Variants in PDE10A observed in about 807,000 individuals in gnomAD.
PDE10A encodes the protein cAMP and cAMP-inhibited cGMP 3',5'-cyclic phosphodiesterase 10A.
In PDE10A, 39 loss-of-function variants were observed where a neutral mutation model predicts 97.7. The observed-to-expected ratio is 0.40, with a 90% CI of 0.31 to 0.52. The LOEUF (loss-of-function observed/expected upper bound fraction) is 0.52. Among genes scored for constraint, PDE10A ranks in the 20% least tolerant of loss-of-function variants. PDE10A has a pLI of 0.56. For synonymous variants in PDE10A, 371 were observed against 376.8 expected (o/e 0.98, Z 0.18); for missense variants, 731 against 1,047.8 (o/e 0.70, Z 4.17).
intron 1 of PDE10A, among the ~76,000 whole-genome samples, chr6:165,593,473 G>A (rs1268272212): frequency 2.0e-5 from 3 of 151,978 alleles, no homozygotes; most frequent in Non-Finnish European, 2.9e-5. Flanking sequence ...AAAATGTCCT[G>A]GCTAACAAAG....
intron 1 of PDE10A, among the ~76,000 whole-genome samples, chr6:165,557,837 GACAA>G (rs796834204): frequency 4.7e-4 from 71 of 152,256 alleles, no homozygotes; most frequent in African/African-American, 1.5e-3. Flanking sequence ...AAAAAACGAA[GACAA>G]ACAAAGATGA....
At chr6:165,443,287 A>G (rs1035013326) in intron 5 of PDE10A, among the ~76,000 whole-genome samples, 1 of 152,144 alleles carries the variant, frequency 6.6e-6, no homozygotes, top group Non-Finnish European at 1.5e-5. Context: ...CAAATGGGGT[A>G]CAGGCCCTGT....
intron 1 of PDE10A, among the ~76,000 whole-genome samples, chr6:165,752,191 C>G (rs1010633589): frequency 3.3e-5 from 5 of 150,652 alleles, no homozygotes; most frequent in African/African-American, 1.2e-4. Flanking sequence ...TTGCCTACAG[C>G]CTATACACTG....
chr6:165,701,694 T>C (rs1313896241), intron 1 of PDE10A, among the ~76,000 whole-genome samples: 1 of 151,604 alleles, frequency 6.6e-6, no homozygotes, highest in African/African-American at 2.4e-5. Context: ...CATGTAAGTG[T>C]GTTTGCATGT....
intron 1 of PDE10A, among the ~76,000 whole-genome samples, chr6:165,659,102 A>T (rs1790107687): frequency 6.6e-6 from 1 of 152,168 alleles, no homozygotes; most frequent in Admixed American, 6.5e-5. Flanking sequence ...GGTCAGTGTG[A>T]AGAGCCAAAA....
intron 1 of PDE10A, among the ~76,000 whole-genome samples, chr6:165,638,914 C>T (rs976144239): frequency 6.6e-6 from 1 of 152,162 alleles, no homozygotes; most frequent in Non-Finnish European, 1.5e-5. Context: ...CATTTACATT[C>T]TGTGTCCTCC....
chr6:165,916,614 C>T (rs1399466276), intron 1 of PDE10A, among the ~76,000 whole-genome samples: 3 of 152,218 alleles, frequency 2.0e-5, no homozygotes, highest in South Asian at 2.1e-4. Context: ...CATCTTCTCC[C>T]GCTTGGAGCC....
At chr6:165,420,831 G>A (rs746127680) in intron 10 of PDE10A, among the ~76,000 whole-genome samples, 18 of 152,166 alleles carry the variant, frequency 1.2e-4, no homozygotes, top group Non-Finnish European at 2.4e-4. Context: ...ACAAATTCCC[G>A]TACAATTTAT....
chr6:165,604,518 T>TAAAAAAAAAAAA lies in PDE10A; in HGVS notation c.865+57417_865+57428dup, dbSNP rs34272357. Among the ~76,000 whole-genome samples the TAAAAAAAAAAAA allele has an allele frequency of 7.5e-3, 1,032 of 137,588 alleles. 8 individuals carry two copies. The highest frequency in any genetic ancestry group is 0.024 in the African/African-American group (897 of 36,654). 90.3% of individuals were successfully genotyped at this position (137,588 alleles called of 152,430 possible). A position where few individuals can be genotyped will look rare whatever the true frequency, so the allele number is the denominator to read the frequency against. ...ACAAGACTGCACTTACTCTCTTTGT[T>TAAAAAAAAAAAA]AAAAAAAAAAAAAAAAAGTGTTACT... On this transcript the variant is annotated intron_variant, in intron 1 of 21. Transcript: ENST00000539869.
chr6:165,907,879 G>GCC (rs1782342022), intron 1 of PDE10A, among the ~76,000 whole-genome samples: 1 of 152,206 alleles, frequency 6.6e-6, no homozygotes, highest in Non-Finnish European at 1.5e-5. Flanking sequence ...GAAAATTGTA[G>GCC]TCAGCTCTTA....
intron 1 of PDE10A, among the ~76,000 whole-genome samples, chr6:165,730,032 C>A (rs574188812): frequency 6.6e-6 from 1 of 151,740 alleles, no homozygotes; most frequent in Non-Finnish European, 1.5e-5. Context: ...CAAGAGATAT[C>A]TTGGAGATAT....
intron 1 of PDE10A, among the ~76,000 whole-genome samples, chr6:165,859,709 A>G (rs1234588306): frequency 2.0e-5 from 3 of 152,242 alleles, no homozygotes; most frequent in Non-Finnish European, 2.9e-5. Flanking sequence ...GGTAAAATAC[A>G]TATTACATAG....
chr6:165,853,330 G>A (rs919454108), intron 1 of PDE10A, among the ~76,000 whole-genome samples: 1 of 152,198 alleles, frequency 6.6e-6, no homozygotes, highest in Non-Finnish European at 1.5e-5. Context: ...TTGGATGCCA[G>A]TTACATAAAG....
rs771425182 is a variant in PDE10A at position 165,819,335 on chromosome 6, T to G, written c.-615+168194A>C. Among the ~76,000 whole-genome samples the G allele has an allele frequency of 3.3e-5, 5 of 152,160 alleles. No homozygotes were observed. Among genetic ancestry groups the G allele is most frequent in the African/African-American group, 7.2e-5 (3 of 41,428 alleles). On this transcript the variant is annotated intron_variant, in intron 1 of 19. Coordinates refer to the PDE10A transcript ENST00000366882. This position sits in a 1 kb window ranked among gnomAD's most constrained non-coding sequence, Gnocchi z 4.2. ...TTAAGTATTTCTCCTTTCTTTAAAA[T>G]CCCCACTTCCCCTGAGAGATTCAGA...
At chr6:165,536,057 T>C (rs890869907) in intron 2 of PDE10A, among the ~76,000 whole-genome samples, 1 of 151,836 alleles carries the variant, frequency 6.6e-6, no homozygotes, top group African/African-American at 2.4e-5. Context: ...CATTACCTGG[T>C]TTCAAATTAC....
At chr6:165,555,993 C>T (rs1054762024) in intron 1 of PDE10A, among the ~76,000 whole-genome samples, 26 of 152,122 alleles carry the variant, frequency 1.7e-4, no homozygotes, top group African/African-American at 6.0e-4. Context: ...TTTGAAAAAA[C>T]TTGCAGACGA....
At chr6:165,508,023 T>A (rs1333835670) in intron 2 of PDE10A, among the ~76,000 whole-genome samples, 1 of 152,122 alleles carries the variant, frequency 6.6e-6, no homozygotes. Flanking sequence ...GAGACTGTTC[T>A]GAAACTGAAA....
chr6:165,682,196 G>C (rs1457467166), intron 1 of PDE10A, among the ~76,000 whole-genome samples: 2 of 152,068 alleles, frequency 1.3e-5, no homozygotes, highest in African/African-American at 2.4e-5. Context: ...CAGTGGCTGC[G>C]ATCACGGCTC....
chr6:165,613,956 A>C (rs2983497), intron 1 of PDE10A, among the ~76,000 whole-genome samples: 2 of 151,928 alleles, frequency 1.3e-5, no homozygotes, highest in Non-Finnish European at 2.9e-5. Flanking sequence ...GCTGACAGTC[A>C]CGCATCATTC....
Sources: gnomAD v4.1 joint callset for allele counts (sites outside exome capture counted in the v4.1 genomes callset) on GRCh38, gnomAD v4.1.1 for gene constraint, Gnocchi (gnomAD v3.1) non-coding constraint, MANE v1.5 for transcripts, NCBI Gene and HGNC (gene_info 2026-07-23, HGNC 2026-07-21) for gene names.